EZH2: variants seen among roughly 807,000 people sequenced by gnomAD.
EZH2 encodes the protein enhancer of zeste 2 polycomb repressive complex 2 subunit, also known as histone-lysine N-methyltransferase EZH2.
Under a neutral mutation model 98.4 loss-of-function variants are expected in EZH2, and 18 were observed. The ratio of observed to expected loss-of-function variants is 0.18; its 90% CI spans 0.13 to 0.27. The LOEUF is 0.27. EZH2 is among the 10% of genes least tolerant of loss of function. The pLI, the probability that EZH2 is intolerant of heterozygous loss-of-function variation, is 1.00. For missense variants in EZH2, 470 were observed against 935.1 expected (o/e 0.50, Z 6.49); for synonymous variants, 338 against 312.3 (o/e 1.08, Z -0.87).
intron 3 of EZH2, among the ~76,000 whole-genome samples, chr7:148,838,385 G>C (rs1811463846): frequency 6.6e-6 from 1 of 152,080 alleles, no homozygotes; most frequent in South Asian, 2.1e-4. Context: ...TTAATCCTAG[G>C]TTAAAATCCT....
intron 6 of EZH2, among the ~76,000 whole-genome samples, chr7:148,828,188 A>G (rs1225859448): frequency 2.6e-5 from 4 of 152,240 alleles, no homozygotes; most frequent in Non-Finnish European, 5.9e-5. Flanking sequence ...GAGCTGGTGC[A>G]TAAGAAGTGA....
chr7:148,862,930 T>G (rs893180024), intron 1 of EZH2, among the ~76,000 whole-genome samples: 3 of 151,300 alleles, frequency 2.0e-5, no homozygotes, highest in Non-Finnish European at 4.4e-5. Flanking sequence ...TTTGTTTTTT[T>G]AAAAAAAAGC....
intron 3 of EZH2, among the ~76,000 whole-genome samples, chr7:148,836,649 A>C (rs932889081): frequency 1.3e-5 from 2 of 152,164 alleles, no homozygotes; most frequent in African/African-American, 4.8e-5. Flanking sequence ...TAGATTCTCT[A>C]ATTCCAGTTC....
At position 148,813,313 on chromosome 7, in the gene EZH2, GA is replaced by G. The variant is rs538856027; in HGVS notation, c.1851+645del. 2.0e-3 allele frequency among the ~76,000 whole-genome samples: 275 copies of G among 137,632 alleles called. 1 individual carries two copies. Among genetic ancestry groups the G allele is most frequent in the African/African-American group, 7.4e-3 (259 of 35,146 alleles). The allele number at this position is 137,632 out of a possible 152,430, so 90.3% of individuals were successfully genotyped here. On this transcript the variant is annotated intron_variant, in intron 15 of 19. Transcript: ENST00000320356. ...TTATAAAAAGAACTGACTGAAGAAAGAACTTATCATCTGCCCTAAAAAAAAA... is the reference window on the plus strand; with the variant it reads ...TTATAAAAAGAACTGACTGAAGAAAGACTTATCATCTGCCCTAAAAAAAAA...
In EZH2 at chr7:148,817,956, CCTATCA is replaced by C; in HGVS notation, c.1155_1160del (p.Ser385_Asp386del). ...CTCCCCCCGTTTCAGTCCCTGCTTC[CCTATCA>C]CTGTCTGTATCCTTTGATTCCAGCA... On this transcript the variant is annotated inframe_deletion, in exon 10 of 20. Transcript: ENST00000320356. The C allele has an allele frequency of 6.2e-7, 1 of 1,614,098 alleles. No homozygotes were observed. Among genetic ancestry groups the C allele is most frequent in the Non-Finnish European group, 8.5e-7 (1 of 1,180,008 alleles).
chr7:148,881,570 T>G (rs1014454602), intron 1 of EZH2, among the ~76,000 whole-genome samples: 1 of 152,178 alleles, frequency 6.6e-6, no homozygotes, highest in African/African-American at 2.4e-5. Context: ...GAGATGTTTT[T>G]CAAAATATCT....
chr7:148,839,848 A>T (rs911101043), intron 3 of EZH2, among the ~76,000 whole-genome samples: 7 of 152,106 alleles, frequency 4.6e-5, no homozygotes, highest in African/African-American at 7.2e-5. Context: ...CACCCAGCCA[A>T]AACTAGTATT....
At chr7:148,825,822 T>C (rs1261677626) in intron 8 of EZH2, among the ~76,000 whole-genome samples, 3 of 152,234 alleles carry the variant, frequency 2.0e-5, no homozygotes, top group African/African-American at 7.2e-5. Flanking sequence ...TTTCAAAATA[T>C]GTGCCTCAAA....
intron 3 of EZH2, among the ~76,000 whole-genome samples, chr7:148,845,246 A>G (rs1041169510): frequency 2.2e-4 from 34 of 152,336 alleles, no homozygotes; most frequent in African/African-American, 7.9e-4. Flanking sequence ...AAACTTTCAA[A>G]GCAATTACTT....
At chr7:148,827,945 G>A (rs535149483) in intron 6 of EZH2, among the ~76,000 whole-genome samples, 2 of 152,228 alleles carry the variant, frequency 1.3e-5, no homozygotes, top group African/African-American at 2.4e-5. Context: ...GTGAAACCCC[G>A]TCTCTACTAA....
intron 2 of EZH2, 43 bp downstream of exon 2, chr7:148,847,139 A>G: frequency 6.3e-7 from 1 of 1,575,870 alleles, no homozygotes; most frequent in Non-Finnish European, 8.6e-7. Flanking sequence ...GAAAAAACCT[A>G]TCCTTAATTG....
At chr7:148,807,764 A>T in intron 19 of EZH2, 58 bp from the exon 20 acceptor site, 1 of 1,126,422 alleles carries the variant, frequency 8.9e-7, no homozygotes, top group Non-Finnish European at 1.3e-6. Context: ...ATGTGCTGAG[A>T]CTTAACACAA....
intron 14 of EZH2, 121 bp from the exon 15 acceptor site, chr7:148,814,258 A>AC (rs1209589494): frequency 1.2e-6 from 1 of 807,682 alleles, no homozygotes; most frequent in Admixed American, 2.4e-5. Context: ...CCACCTTATT[A>AC]CCCTACTATA....
At position 148,807,814 on chromosome 7, in the gene EZH2, TA is replaced by T. The variant is rs35866517; in HGVS notation, c.2196-109del. The T allele has an allele frequency of 0.081, 31,904 of 394,660 alleles. 733 individuals carry two copies. The highest frequency in any genetic ancestry group is 0.19 in the African/African-American group (8,158 of 43,692). 24.4% of individuals were successfully genotyped at this position (394,660 alleles called of 1,614,324 possible). A position where few individuals can be genotyped will look rare whatever the true frequency, so the allele number is the denominator to read the frequency against. The stretch of plus-strand genomic sequence containing the variant: ...GATAGTGGGTGCATTAAAATGTCTT[TA>T]AAAAAAAAAAAAAAAAAAAAACCCA... On this transcript the variant is annotated intron_variant, in intron 19 of 19. Coordinates refer to ENST00000320356, the MANE Select transcript of EZH2 (RefSeq NM_004456.5).
intron 6 of EZH2, 107 bp downstream of exon 6, chr7:148,828,633 C>G (rs1808437453): frequency 1.5e-6 from 2 of 1,379,102 alleles, no homozygotes; most frequent in Non-Finnish European, 9.8e-7. Context: ...TGATATTTAA[C>G]AAAGAAAGAA....
chr7:148,869,626 A>G (rs895757004), intron 1 of EZH2, among the ~76,000 whole-genome samples: 1 of 152,174 alleles, frequency 6.6e-6, no homozygotes, highest in Non-Finnish European at 1.5e-5. Context: ...GCGTGAGCCA[A>G]TGCACTTGGC....
chr7:148,866,601 TATTA>T (rs1424723540), intron 1 of EZH2, among the ~76,000 whole-genome samples: 2 of 147,120 alleles, frequency 1.4e-5, no homozygotes, highest in Non-Finnish European at 3.0e-5. Context: ...ATACACTATA[TATTA>T]TATATAATAT....
chr7:148,809,203 G>A (rs773638620), intron 18 of EZH2, 48 bp from the exon 19 acceptor site: 42 of 1,590,670 alleles, frequency 2.6e-5, no homozygotes, highest in Admixed American at 6.7e-5. Context: ...CGGGCCACGG[G>A]GGGTTAACTG....
chr7:148,848,160 A>T (rs1563027213), intron 1 of EZH2, among the ~76,000 whole-genome samples: 1 of 152,190 alleles, frequency 6.6e-6, no homozygotes, highest in Non-Finnish European at 1.5e-5. Context: ...GGCTATGCAA[A>T]GCTTTACAGG....
Sources: allele counts gnomAD v4.1 joint callset (sites outside exome capture counted in the v4.1 genomes callset), GRCh38; gene constraint gnomAD v4.1.1; transcripts MANE v1.5; gene names NCBI Gene and HGNC (gene_info 2026-07-23, HGNC 2026-07-21).